Variants in RIMS3 observed in about 807,000 individuals in gnomAD.
The protein encoded by RIMS3 is regulating synaptic membrane exocytosis protein 3.
In RIMS3, 15 loss-of-function variants were observed where a neutral mutation model predicts 29.2. The ratio of observed to expected loss-of-function variants is 0.51; its 90% CI spans 0.34 to 0.79. The LOEUF (loss-of-function observed/expected upper bound fraction) is 0.79. RIMS3 is among the 30% of genes least tolerant of loss of function. The pLI is 0.01. For synonymous variants in RIMS3, 161 were observed against 170.1 expected (o/e 0.95, Z 0.41); for missense variants, 342 against 421.4 (o/e 0.81, Z 1.65).
chr1:40,680,269 C>T, the RIMS3 span, among the ~76,000 whole-genome samples: 1 of 151,592 alleles, frequency 6.6e-6, no homozygotes, highest in African/African-American at 2.4e-5. Flanking sequence ...AGTTCTTTCC[C>T]ATTGTCACAT....
At chr1:40,665,720 G>A (rs989088016), upstream of RIMS3, 4 of 152,884 alleles carry the variant, frequency 2.6e-5, no homozygotes, top group African/African-American at 9.6e-5. Flanking sequence ...GGGAGGCGGG[G>A]CCTGCCGGGG....
At chr1:40,682,558 G>A in the RIMS3 span, among the ~76,000 whole-genome samples, 3 of 151,774 alleles carry the variant, frequency 2.0e-5, no homozygotes, top group Non-Finnish European at 4.4e-5. Context: ...GGTAACTTTT[G>A]CATTCCCATT....
intron 7 of RIMS3, among the ~76,000 whole-genome samples, chr1:40,628,159 G>A (rs928633829): frequency 2.6e-5 from 4 of 152,162 alleles, no homozygotes; most frequent in Admixed American, 6.5e-5. Flanking sequence ...ATCTACCCGC[G>A]GCTAATGAGT....
At chr1:40,660,297 G>A (rs571566285) in intron 1 of RIMS3, among the ~76,000 whole-genome samples, 63 of 152,124 alleles carry the variant, frequency 4.1e-4, no homozygotes, top group Non-Finnish European at 7.9e-4. Flanking sequence ...CAGGAGCTGG[G>A]TCTGGACCTG....
rs1642411430 is a variant in RIMS3 at position 40,665,523 on chromosome 1, C to T, written c.-336G>A. 1 of 152,232 alleles carries T rather than the reference C, an allele frequency of 6.6e-6. No individual in the cohort carries two copies. The highest frequency in any genetic ancestry group is 1.5e-5 in the Non-Finnish European group (1 of 68,076). The allele number at this position is 152,232 out of a possible 1,614,324, so 9.4% of individuals were successfully genotyped here. On this transcript the variant is annotated 5_prime_UTR_variant, in exon 1 of 8. Coordinates refer to ENST00000372684, the MANE Select transcript of RIMS3 (RefSeq NM_014747.3). ...GCAGTAGGCGCGGCCCGGCCCCAGG[C>T]TGGCGCGGACTCCGAGTGGATAGGC... is the stretch of plus-strand genomic sequence containing the variant.
intron 7 of RIMS3, 68 bp downstream of exon 7, chr1:40,628,741 AT>A: frequency 6.2e-7 from 1 of 1,604,358 alleles, no homozygotes; most frequent in Non-Finnish European, 8.5e-7. Flanking sequence ...TGAATCATAA[AT>A]GAAAAACTTT....
intron 2 of RIMS3, among the ~76,000 whole-genome samples, chr1:40,645,782 C>G (rs1646591242): frequency 1.3e-5 from 2 of 152,186 alleles, no homozygotes; most frequent in African/African-American, 4.8e-5. Context: ...GCTCATGTTT[C>G]CTCATGAATA....
At position 40,634,279 on chromosome 1, in the gene RIMS3, T is replaced by G. The variant is rs1335046736; in HGVS notation, c.360-1098A>C. Among the ~76,000 whole-genome samples, 3 of 152,170 alleles carry G rather than the reference T, an allele frequency of 2.0e-5. No homozygotes were observed. The East Asian group carries it at 5.8e-4, about 29-fold the overall frequency. ...GAGGAAAAAGTAGGCTGTGTATGCT[T>G]GTCAGAGAGAGCCTGTGTCTCTCCC... is the stretch of plus-strand genomic sequence containing the variant. On this transcript the variant is annotated intron_variant, in intron 4 of 7. Coordinates refer to ENST00000372684, the MANE Select transcript of RIMS3 (RefSeq NM_014747.3).
intron 6 of RIMS3, 139 bp from the exon 7 acceptor site, chr1:40,629,088 G>A: frequency 3.6e-5 from 43 of 1,181,872 alleles, no homozygotes; most frequent in Non-Finnish European, 5.1e-5. Flanking sequence ...GGCAGAAGAG[G>A]TGACTCAAGT....
At chr1:40,666,491 T>C (rs1642427206), upstream of RIMS3, among the ~76,000 whole-genome samples, 2 of 152,160 alleles carry the variant, frequency 1.3e-5, no homozygotes, top group East Asian at 3.8e-4. Flanking sequence ...CATCTGCCTA[T>C]ATAAACTTCC....
At chr1:40,683,465 G>GTGA in the RIMS3 span, among the ~76,000 whole-genome samples, 1 of 152,204 alleles carries the variant, frequency 6.6e-6, no homozygotes, top group African/African-American at 2.4e-5. Context: ...TCCTCACCAT[G>GTGA]TGATATCTTC....
chr1:40,682,758 T>TTTTTTTTA, the RIMS3 span, among the ~76,000 whole-genome samples: 1 of 134,744 alleles, frequency 7.4e-6, no homozygotes, highest in African/African-American at 2.9e-5. Context: ...TTTTTTTTTT[T>TTTTTTTTA]GAGATGGAAT....
chr1:40,626,293 C>T lies in RIMS3; in HGVS notation c.*224G>A. ...ATATCATCACCAGGAGTGACTATAC[C>T]CAGACAAATGAACAGATAGAACGTG... On this transcript the variant is annotated 3_prime_UTR_variant, in exon 8 of 8. Transcript: ENST00000372684. 1 of 598,636 alleles carries T rather than the reference C, an allele frequency of 1.7e-6. No individual in the cohort carries two copies. The highest frequency in any genetic ancestry group is 3.0e-6 in the Non-Finnish European group (1 of 333,028). 37.1% of individuals were successfully genotyped at this position (598,636 alleles called of 1,614,324 possible). A position where few individuals can be genotyped will look rare whatever the true frequency, so the allele number is the denominator to read the frequency against.
At chr1:40,682,741 C>CTTTTTTTTTTTTTCTTTTT in the RIMS3 span, among the ~76,000 whole-genome samples, 1 of 77,514 alleles carries the variant, frequency 1.3e-5, no homozygotes, top group African/African-American at 5.5e-5. Context: ...CTTTGCAGAT[C>CTTTTTTTTTTTTTCTTTTT]TTTTTTTTTT....
the RIMS3 span, among the ~76,000 whole-genome samples, chr1:40,685,785 C>T: frequency 4.0e-5 from 6 of 151,866 alleles, no homozygotes; most frequent in Admixed American, 6.6e-5. Context: ...CTCATGGCCA[C>T]ACACCCTCCC....
chr1:40,631,304 C>T (rs1054347266), intron 5 of RIMS3, among the ~76,000 whole-genome samples: 1 of 152,146 alleles, frequency 6.6e-6, no homozygotes, highest in East Asian at 1.9e-4. Context: ...CAGGACCAAG[C>T]GTAGGCTTCA....
the RIMS3 span, among the ~76,000 whole-genome samples, chr1:40,679,832 C>T: frequency 1.3e-5 from 2 of 151,970 alleles, no homozygotes; most frequent in East Asian, 3.9e-4. Flanking sequence ...GTTGACAATC[C>T]TATTGGGACA....
At chr1:40,655,665 T>G (rs1252436810) in intron 1 of RIMS3, among the ~76,000 whole-genome samples, 2 of 152,164 alleles carry the variant, frequency 1.3e-5, no homozygotes, top group Non-Finnish European at 2.9e-5. Flanking sequence ...CAATTTTGCA[T>G]TAAGTGCATA....
intron 1 of RIMS3, among the ~76,000 whole-genome samples, chr1:40,662,024 G>A (rs2148362997): frequency 6.6e-6 from 1 of 152,328 alleles, no homozygotes; most frequent in South Asian, 2.1e-4. Context: ...ACAGGGAAAA[G>A]GGTAGGAGAG....
Sources: allele counts gnomAD v4.1 joint callset (sites outside exome capture counted in the v4.1 genomes callset), GRCh38; gene constraint gnomAD v4.1.1; transcripts MANE v1.5; gene names NCBI Gene and HGNC (gene_info 2026-07-23, HGNC 2026-07-21).